Variants in NPC1 observed in about 807,000 individuals in gnomAD.
NPC1 encodes the protein Niemann-Pick C1 protein.
NPC1 carries 85 observed loss-of-function variants against 140.4 expected under a neutral mutation model. The ratio of observed to expected loss-of-function variants is 0.61; its 90% CI spans 0.51 to 0.72. The LOEUF is 0.72. NPC1 is among the 30% of genes least tolerant of loss of function. The pLI, the probability that NPC1 is intolerant of heterozygous loss-of-function variation, is 0.00. For synonymous variants in NPC1, 656 were observed against 624.8 expected, an observed-to-expected ratio of 1.05 and a Z score of -0.74; for missense variants, 1,504 against 1,623.8, an observed-to-expected ratio of 0.93 and a Z score of 1.27.
At chr18:23,549,176 AG>A in intron 10 of NPC1, among the ~76,000 whole-genome samples, 1 of 152,194 alleles carries the variant, frequency 6.6e-6, no homozygotes, top group East Asian at 1.9e-4. Flanking sequence ...CTTCCAAAGA[AG>A]CTTAACTATT....
At chr18:23,543,343 AAAAG>A in intron 14 of NPC1, 108 bp downstream of exon 14, 2 of 703,812 alleles carry the variant, frequency 2.8e-6, no homozygotes, top group Non-Finnish European at 2.5e-6. Flanking sequence ...AAAAAAAAAA[AAAAG>A]AAAAAAAAAA....
In NPC1 at chr18:23,572,194, G is replaced by A. The variant is rs2059214024; in HGVS notation, c.181-14C>T. On this transcript the variant is annotated splice_polypyrimidine_tract_variant and intron_variant, in intron 2 of 24. Coordinates refer to ENST00000269228, the MANE Select transcript of NPC1 (RefSeq NM_000271.5). Reference sequence around the variant, plus strand: ...TGGACAGAGTTCCTTTCAGGTGAAAGAGCACAGACACGGGAGTAGGCAACA... The same window carrying A: ...TGGACAGAGTTCCTTTCAGGTGAAAAAGCACAGACACGGGAGTAGGCAACA... 6.3e-7 allele frequency: 1 copy of A among 1,587,160 alleles called. No individual in the cohort carries two copies.
intron 1 of NPC1, among the ~76,000 whole-genome samples, chr18:23,581,157 A>G (rs2145584698): frequency 6.6e-6 from 1 of 152,364 alleles, no homozygotes; most frequent in East Asian, 1.9e-4. Flanking sequence ...AAACAAAACT[A>G]TGAAAGTGGG....
At position 23,535,564 on chromosome 18, in the gene NPC1, A is replaced by G; in HGVS notation, c.3382T>C (p.Cys1128Arg). 3 of 1,614,162 alleles carry G rather than the reference A, an allele frequency of 1.9e-6. No homozygotes were observed. The highest frequency in any genetic ancestry group is 2.5e-6 in the Non-Finnish European group (3 of 1,180,014). ...ACCAAGACCATGGCGATGGTGGCAC[A>G]CATGATGACTGCAGACCAGAGCTCA... is the stretch of plus-strand genomic sequence containing the variant. ...GCELWSAVIM[C>R]ATIAMVLVNM... Residue 1128 changes from cysteine (C) to arginine (R), a missense_variant, in exon 22 of 25, where the codon TGT (cysteine) becomes CGT (arginine). By Grantham distance (180) the Cys-to-Arg change is radical. Transcript: ENST00000269228.
chr18:23,509,337 C>G (rs533183865), intron 3 of NPC1: 1 of 767,306 alleles, frequency 1.3e-6, no homozygotes. Context: ...ATTCTGGCAG[C>G]CTTTTGAATT....
chr18:23,560,539 T>C (rs2145481326), intron 5 of NPC1, 59 bp from the exon 6 acceptor site: 2 of 1,579,016 alleles, frequency 1.3e-6, no homozygotes, highest in South Asian at 1.1e-5. Context: ...AAATTTTGTA[T>C]TATACTTAAA....
rs34453602 is a variant in NPC1, at chr18:23,538,543, C to CT, written c.3039dup (p.Gly1014ArgfsTer7). ...ATCTGCAATGGCAGCAGCACTTACC[C>CT]TTTGCCACACTTGGGGTTAGGGTTA... is the stretch of plus-strand genomic sequence containing the variant. On this transcript the variant is annotated frameshift_variant and splice_region_variant, in exon 20 of 25. Transcript: ENST00000269228. LOFTEE classifies it high-confidence loss of function. 1 of 1,614,118 alleles carries CT rather than the reference C, an allele frequency of 6.2e-7. No individual in the cohort carries two copies. The highest frequency in any genetic ancestry group is 8.5e-7 in the Non-Finnish European group (1 of 1,179,992).
intron 3 of NPC1, among the ~76,000 whole-genome samples, chr18:23,571,028 T>C (rs1385555041): frequency 2.0e-5 from 3 of 151,990 alleles, no homozygotes; most frequent in African/African-American, 7.3e-5. Flanking sequence ...CCTAGGAACC[T>C]CTCTTCCCCA....
intron 9 of NPC1, 48 bp from the exon 10 acceptor site, chr18:23,551,775 C>T (rs375873137): frequency 2.0e-5 from 24 of 1,202,988 alleles, no homozygotes; most frequent in Non-Finnish European, 2.9e-5. Context: ...GGCCTCAAGA[C>T]ATCAGGGACC....
At chr18:23,522,121 C>T (rs905998413), downstream of NPC1, among the ~76,000 whole-genome samples, 37 of 152,252 alleles carry the variant, frequency 2.4e-4, no homozygotes, top group African/African-American at 8.9e-4. Flanking sequence ...GTCAGCCTGA[C>T]TGCCCTGTCT....
At chr18:23,558,052 G>C (rs892174517) in intron 6 of NPC1, among the ~76,000 whole-genome samples, 1 of 152,224 alleles carries the variant, frequency 6.6e-6, no homozygotes, top group African/African-American at 2.4e-5. Context: ...AAATGAGGGA[G>C]AAGGGATAGC....
rs2058813738 is a variant in NPC1 at position 23,548,046 on chromosome 18, C to T, written c.1717G>A (p.Asp573Asn). 1 of 1,612,018 alleles carries T rather than the reference C, an allele frequency of 6.2e-7. No homozygotes were observed. The highest frequency in any genetic ancestry group is 2.2e-5 in the East Asian group (1 of 44,882). The change falls in exon 11 of 25, where the codon GAT (aspartate) becomes AAT (asparagine). Residue 573 changes from aspartate (D) to asparagine (N), a missense_variant. Asp to Asn is a conservative substitution (Grantham distance 23). Transcript: ENST00000269228. ...TGGGCCCTCTGGAGCTTCTCTGTAT[C>T]ATTATAGTAATTATTGACAGGGAAG... ...ITFPVNNYYN[D>N]TEKLQRAQAW... is the part of the protein sequence containing the mutation.
At chr18:23,573,686 T>A in intron 1 of NPC1, 112 bp from the exon 2 acceptor site, 1 of 1,254,366 alleles carries the variant, frequency 8.0e-7, no homozygotes, top group Non-Finnish European at 1.2e-6. Context: ...CCTGCAAAAT[T>A]AAGTAACAGC....
Position 23,533,452 on chromosome 18 carries a change from T to C in NPC1, c.3657A>G (p.Gln1219=). 3 of 1,614,220 alleles carry C rather than the reference T, an allele frequency of 1.9e-6. No homozygotes were observed. Among genetic ancestry groups the C allele is most frequent in the Non-Finnish European group, 1.7e-6 (2 of 1,180,026 alleles). ...TCCTGAAGTAGAATATCTGGAAAATTTGAGATTTGGCAAAAGCCAACACCA... is the reference window on the plus strand; with the variant it reads ...TCCTGAAGTAGAATATCTGGAAAATCTGAGATTTGGCAAAAGCCAACACCA... ...GIVVLAFAKS[Q]IFQIFYFRMY... The change falls in exon 24 of 25, where the codon CAA becomes CAG. Residue 1219 remains glutamine (Q), a synonymous_variant. Transcript: ENST00000269228.
intron 1 of NPC1, among the ~76,000 whole-genome samples, chr18:23,581,680 G>C (rs990210287): frequency 6.6e-6 from 1 of 152,056 alleles, no homozygotes; most frequent in Admixed American, 6.6e-5. Context: ...CTTTACTCAT[G>C]TAATTTACAT....
chr18:23,516,572 C>A, intron 3 of NPC1: 1 of 731,530 alleles, frequency 1.4e-6, no homozygotes, highest in Non-Finnish European at 2.2e-6. Flanking sequence ...GTGTATAGGT[C>A]CTGTGAACAT....
rs1445907136 is a variant in NPC1 at position 23,586,348 on chromosome 18, T to C, written c.-5A>G. 3.9e-6 allele frequency: 6 copies of C among 1,532,834 alleles called. No individual in the cohort carries two copies. Among genetic ancestry groups the C allele is most frequent in the Non-Finnish European group, 5.2e-6 (6 of 1,145,830 alleles). 95.0% of individuals were successfully genotyped at this position (1,532,834 alleles called of 1,614,324 possible). ...GGCCAGGCCGCGAGCGGTCATGCTGTGGCCGCGCAAGGCTGCTGACGCCGG... is the reference window on the plus strand; with the variant it reads ...GGCCAGGCCGCGAGCGGTCATGCTGCGGCCGCGCAAGGCTGCTGACGCCGG... On this transcript the variant is annotated 5_prime_UTR_variant, in exon 1 of 25. Coordinates refer to ENST00000269228, the MANE Select transcript of NPC1 (RefSeq NM_000271.5).
intron 1 of NPC1, chr18:23,524,037 G>T: frequency 1.5e-6 from 2 of 1,313,560 alleles, no homozygotes; most frequent in South Asian, 1.2e-5. Flanking sequence ...ATTTCGTAAT[G>T]ACATTAAAAA....
In NPC1 at chr18:23,532,740, T is replaced by C. The variant is rs977943523; in HGVS notation, c.3755-456A>G. 1.2e-5 allele frequency: 3 copies of C among 248,694 alleles called. No individual in the cohort carries two copies. In the Admixed American group the frequency reaches 2.0e-4, roughly 16 times the overall value. The allele number at this position is 248,694 out of a possible 1,614,324, so 15.4% of individuals were successfully genotyped here. On this transcript the variant is annotated intron_variant, in intron 24 of 24. Transcript: ENST00000269228. ...TAAAAGGAACTAGTATATTAGATTG[T>C]AATAGAACTACTTTCTATCCCCCGG... is the stretch of plus-strand genomic sequence containing the variant.
Sources: allele counts gnomAD v4.1 joint callset (sites outside exome capture counted in the v4.1 genomes callset), GRCh38; gene constraint gnomAD v4.1.1; transcripts MANE v1.5; gene names NCBI Gene and HGNC (gene_info 2026-07-23, HGNC 2026-07-21).